The following HTR1E variants were observed in gnomAD, a reference collection of about 807,000 sequenced individuals.
HTR1E encodes 5-HT-1E.
In HTR1E, 3 loss-of-function variants were observed where a neutral mutation model predicts 3.4. The ratio of observed to expected loss-of-function variants is 0.89; its 90% confidence interval spans 0.41 to 2.31. The LOEUF (loss-of-function observed/expected upper bound fraction) is 2.31. Ranked by LOEUF, HTR1E falls within the 30% of genes most tolerant of loss-of-function variation. The pLI is 0.05. For missense variants in HTR1E, 392 were observed against 467.0 expected (o/e 0.84, Z 1.48); for synonymous variants, 170 against 182.8 (o/e 0.93, Z 0.56).
intron 1 of HTR1E, among the ~76,000 whole-genome samples, chr6:86,950,941 T>C (rs1423920093): frequency 2.0e-5 from 3 of 152,238 alleles, no homozygotes; most frequent in Non-Finnish European, 4.4e-5. Flanking sequence ...CCAAAGGTGA[T>C]CATCTTCTCT....
Position 86,942,441 on chromosome 6 carries a change from A to G in HTR1E, c.-186+4618A>G, listed in dbSNP as rs142333062. ...ATTTGTTACCTAACACAAGAATTTG[A>G]TATACAGTCATCCATAAACACTATC... On this transcript the variant is annotated intron_variant, in intron 1 of 1. Transcript: ENST00000305344. Among the ~76,000 whole-genome samples, 30 of 152,322 alleles carry G rather than the reference A, an allele frequency of 2.0e-4. No individual in the cohort carries two copies. In the East Asian group the frequency reaches 5.6e-3, roughly 28 times the overall value.
chr6:86,987,696 T>C (rs1440631614), intron 1 of HTR1E, among the ~76,000 whole-genome samples: 1 of 152,166 alleles, frequency 6.6e-6, no homozygotes, highest in East Asian at 1.9e-4. Context: ...GAACAGAAAT[T>C]TATTTTCTCA....
chr6:86,937,701 T>C lies in HTR1E; in HGVS notation c.-308T>C, dbSNP rs1403861909. ...CTCAACGTACTCCAGAATCGAATGT[T>C]GAGAGAAGCAGTGCTCTGATCCAGC... On this transcript the variant is annotated 5_prime_UTR_variant, in exon 1 of 2. Coordinates refer to ENST00000305344, the MANE Select transcript of HTR1E (RefSeq NM_000865.3). 6.5e-6 allele frequency: 1 copy of C among 152,702 alleles called. No homozygotes were observed. Among genetic ancestry groups the C allele is most frequent in the Non-Finnish European group, 1.5e-5 (1 of 68,106 alleles). The allele number at this position is 152,702 out of a possible 1,614,324, so 9.5% of individuals were successfully genotyped here. A position where few individuals can be genotyped will look rare whatever the true frequency, so the allele number is the denominator to read the frequency against.
intron 1 of HTR1E, among the ~76,000 whole-genome samples, chr6:86,988,288 T>C (rs575245167): frequency 6.6e-6 from 1 of 152,292 alleles, no homozygotes; most frequent in South Asian, 2.1e-4. Flanking sequence ...CCACGGGAAG[T>C]ACACTGCAAA....
At chr6:87,001,451 C>G (rs1472653877) in intron 1 of HTR1E, among the ~76,000 whole-genome samples, 1 of 152,128 alleles carries the variant, frequency 6.6e-6, no homozygotes, top group Non-Finnish European at 1.5e-5. Context: ...GGGCTTCTGT[C>G]TAGGTCCTGC....
At chr6:86,963,817 A>T (rs1767439335) in intron 1 of HTR1E, among the ~76,000 whole-genome samples, 2 of 152,226 alleles carry the variant, frequency 1.3e-5, no homozygotes, top group African/African-American at 4.8e-5. Flanking sequence ...GTACACTGTG[A>T]TGTTCACACA....
intron 1 of HTR1E, among the ~76,000 whole-genome samples, chr6:86,949,243 A>G (rs1248838928): frequency 6.6e-6 from 1 of 152,210 alleles, no homozygotes; most frequent in Non-Finnish European, 1.5e-5. Context: ...TAAAATGAAA[A>G]TAATGCTAAT....
chr6:87,012,610 T>C lies in HTR1E; in HGVS notation c.-185-2540T>C, dbSNP rs551457782. Among the ~76,000 whole-genome samples, 4 of 152,316 alleles carry C rather than the reference T, an allele frequency of 2.6e-5. No homozygotes were observed. In the South Asian group the frequency reaches 8.3e-4, roughly 32 times the overall value. On this transcript the variant is annotated intron_variant, in intron 1 of 1. Coordinates refer to ENST00000305344, the MANE Select transcript of HTR1E (RefSeq NM_000865.3). ...AAGTTGACTTATTTTTAATAGGCTT[T>C]TATTACACATCAGAGTTTGTGGGAT...
At chr6:86,975,918 GACACAC>G (rs57513474) in intron 1 of HTR1E, among the ~76,000 whole-genome samples, 13,429 of 144,120 alleles carry the variant, frequency 0.093, 843 homozygotes, top group African/African-American at 0.17. Context: ...CTCTCTCTGA[GACACAC>G]ACACACACAC....
Position 87,014,109 on chromosome 6 carries a change from G to A in HTR1E, c.-185-1041G>A, listed in dbSNP as rs138209921. Among the ~76,000 whole-genome samples the A allele has an allele frequency of 5.3e-3, 805 of 152,142 alleles. 2 individuals are homozygous for A. The highest frequency in any genetic ancestry group is 0.028 in the South Asian group (136 of 4,808). ...GGAACACCACACACCCGGGCCTGTC[G>A]TGGGGTCGGGGGACGGGGGAGTGAT... On this transcript the variant is annotated intron_variant, in intron 1 of 1. Coordinates refer to ENST00000305344, the MANE Select transcript of HTR1E (RefSeq NM_000865.3).
Position 87,015,455 on chromosome 6 carries a change from T to G in HTR1E, c.121T>G (p.Leu41Val), listed in dbSNP as rs748351958. The change falls in exon 2 of 2, where the codon TTG becomes GTG. Residue 41 changes from leucine (L) to valine (V), a missense_variant. Physicochemically the swap from Leu to Val is conservative, Grantham distance 32 (BLOSUM62 1). Transcript: ENST00000305344. ...VITTLTTLLN[L>V]AVIMAIGTTK... ...CACCACCCTCACCACGTTGCTGAAC[T>G]TGGCTGTGATCATGGCTATTGGCAC... The G allele has an allele frequency of 1.2e-6, 2 of 1,613,948 alleles. No individual in the cohort carries two copies. The highest frequency in any genetic ancestry group is 2.7e-5 in the African/African-American group (2 of 74,886).
intron 1 of HTR1E, among the ~76,000 whole-genome samples, chr6:86,948,995 T>C (rs1034718175): frequency 6.6e-6 from 1 of 152,252 alleles, no homozygotes; most frequent in African/African-American, 2.4e-5. Flanking sequence ...GTGCCTGATC[T>C]ACACTTGACA....
chr6:86,961,581 T>C (rs1767407863), intron 1 of HTR1E, among the ~76,000 whole-genome samples: 1 of 152,202 alleles, frequency 6.6e-6, no homozygotes, highest in East Asian at 1.9e-4. Context: ...GCCCCTCTTT[T>C]GCCAAGTGCG....
chr6:86,966,915 A>C (rs1767479194), intron 1 of HTR1E, among the ~76,000 whole-genome samples: 1 of 152,214 alleles, frequency 6.6e-6, no homozygotes, highest in African/African-American at 2.4e-5. Context: ...ATTCAAGTTT[A>C]TTGAACAGAT....
chr6:86,964,856 A>G (rs570323594), intron 1 of HTR1E, among the ~76,000 whole-genome samples: 1 of 152,364 alleles, frequency 6.6e-6, no homozygotes, highest in East Asian at 1.9e-4. Context: ...ACATAAAATT[A>G]TAGTCAATAA....
intron 1 of HTR1E, among the ~76,000 whole-genome samples, chr6:86,941,071 A>C (rs902271970): frequency 6.6e-6 from 1 of 152,232 alleles, no homozygotes; most frequent in Non-Finnish European, 1.5e-5. Context: ...AGAGTGACTT[A>C]CTTCTCTCTT....
chr6:86,988,746 C>T (rs1196625945), intron 1 of HTR1E, among the ~76,000 whole-genome samples: 1 of 152,122 alleles, frequency 6.6e-6, no homozygotes, highest in Non-Finnish European at 1.5e-5. Flanking sequence ...CCAAAACATG[C>T]ATAAATGTGA....
Position 86,986,777 on chromosome 6 carries a change from C to A in HTR1E, c.-185-28373C>A, listed in dbSNP as rs540602637. Among the ~76,000 whole-genome samples, 52 of 152,244 alleles carry A rather than the reference C, an allele frequency of 3.4e-4. No homozygotes were observed. In the South Asian group the frequency reaches 9.5e-3, roughly 28 times the overall value. Reference sequence around the variant, plus strand: ...GCTTAGTGCTACTAATCCCCATAGACCCTTTCAACACTTTGTTAAGAAATA... The same window carrying A: ...GCTTAGTGCTACTAATCCCCATAGAACCTTTCAACACTTTGTTAAGAAATA... On this transcript the variant is annotated intron_variant, in intron 1 of 1. Coordinates refer to ENST00000305344, the MANE Select transcript of HTR1E (RefSeq NM_000865.3).
intron 1 of HTR1E, among the ~76,000 whole-genome samples, chr6:86,943,215 G>A (rs1479417387): frequency 6.6e-6 from 1 of 152,120 alleles, no homozygotes; most frequent in Non-Finnish European, 1.5e-5. Flanking sequence ...AAGGGTGAGA[G>A]GGTCTACACA....
Sources: gnomAD v4.1 joint callset for allele counts (sites outside exome capture counted in the v4.1 genomes callset) on GRCh38, gnomAD v4.1.1 for gene constraint, MANE v1.5 for transcripts, NCBI Gene and HGNC (gene_info 2026-07-23, HGNC 2026-07-21) for gene names.